The following UNC5B variants were observed in gnomAD, a reference collection of about 807,000 sequenced individuals.
UNC5B encodes netrin receptor UNC5B.
In UNC5B, 56 loss-of-function variants were observed where a neutral mutation model predicts 103.7. That is an observed-to-expected ratio of 0.54 (90% confidence interval 0.44 to 0.67). UNC5B has a LOEUF of 0.67. UNC5B is among the 30% of genes least tolerant of loss of function. UNC5B has a pLI of 0.00. For synonymous variants in UNC5B, 577 were observed against 542.0 expected, an observed-to-expected ratio of 1.06 and a Z score of -0.90; for missense variants, 1,194 against 1,284.5, an observed-to-expected ratio of 0.93 and a Z score of 1.08.
intron 2 of UNC5B, among the ~76,000 whole-genome samples, chr10:71,280,508 A>C (rs1844896957): frequency 6.6e-6 from 1 of 152,244 alleles, no homozygotes. Context: ...AAATTGTTTT[A>C]GGTTAAAAAG....
rs1162341863 is a variant in UNC5B at position 71,212,966 on chromosome 10, C to G, written c.-20C>G. The G allele has an allele frequency of 1.5e-6, 2 of 1,332,314 alleles. No homozygotes were observed. Among genetic ancestry groups the G allele is most frequent in the Non-Finnish European group, 1.9e-6 (2 of 1,039,096 alleles). 82.5% of individuals were successfully genotyped at this position (1,332,314 alleles called of 1,614,324 possible). On this transcript the variant is annotated 5_prime_UTR_variant, in exon 1 of 17. Coordinates refer to ENST00000335350, the MANE Select transcript of UNC5B (RefSeq NM_170744.5). The stretch of plus-strand genomic sequence containing the variant: ...GGAGACAGCCCTGGGGGAGAGGCGC[C>G]CGAACCAGGCCGCGGGAGCATGGGG...
intron 1 of UNC5B, among the ~76,000 whole-genome samples, chr10:71,263,493 T>A (rs376558484): frequency 6.6e-6 from 1 of 152,122 alleles, no homozygotes; most frequent in Non-Finnish European, 1.5e-5. Context: ...TTCTCTGAGT[T>A]ATTAAGAGCC....
chr10:71,288,176 T>C (rs756432391), intron 6 of UNC5B, among the ~76,000 whole-genome samples: 2 of 152,152 alleles, frequency 1.3e-5, no homozygotes, highest in Non-Finnish European at 2.9e-5. Context: ...ATTCCTCTCA[T>C]CCTCTGTGCA....
chr10:71,253,193 G>T (rs1050850138), intron 1 of UNC5B, among the ~76,000 whole-genome samples: 1 of 152,276 alleles, frequency 6.6e-6, no homozygotes, highest in East Asian at 1.9e-4. Flanking sequence ...AACCTCGGGG[G>T]AACCCCAAAG....
Position 71,291,556 on chromosome 10 carries a change from G to C in UNC5B, c.1419G>C (p.Leu473=), listed in dbSNP as rs752642450. The C allele has an allele frequency of 1.2e-6, 2 of 1,614,148 alleles. No individual in the cohort carries two copies. Among genetic ancestry groups the C allele is most frequent in the African/African-American group, 1.3e-5 (1 of 75,048 alleles). Residue 473 remains leucine (L), a synonymous_variant, in exon 10 of 17, where the codon CTG becomes CTC. Transcript: ENST00000335350. The stretch of plus-strand genomic sequence containing the variant: ...AAATCCCCATGACCAACTCTCCTCT[G>C]CTGGACCCCTTACCCAGCCTTAAGG... ...TDKIPMTNSP[L]LDPLPSLKVK...
At chr10:71,297,406 C>A (rs1845469749) in intron 15 of UNC5B, among the ~76,000 whole-genome samples, 1 of 152,234 alleles carries the variant, frequency 6.6e-6, no homozygotes, top group Admixed American at 6.5e-5. Context: ...AGGACCAGGC[C>A]TGTGGTTCTC....
chr10:71,295,068 C>A (rs1489840246), intron 13 of UNC5B, among the ~76,000 whole-genome samples: 1 of 152,220 alleles, frequency 6.6e-6, no homozygotes, highest in Non-Finnish European at 1.5e-5. Flanking sequence ...GCTCCTTCAT[C>A]TCCCAGGCTC....
At position 71,301,443 on chromosome 10, in the gene UNC5B, G is replaced by T. The variant is rs1033539903; in HGVS notation, c.*2166G>T. 6.6e-6 allele frequency: 1 copy of T among 152,270 alleles called. No individual in the cohort carries two copies. The highest frequency in any genetic ancestry group is 2.4e-5 in the African/African-American group (1 of 41,476). 9.4% of individuals were successfully genotyped at this position (152,270 alleles called of 1,614,324 possible). On this transcript the variant is annotated 3_prime_UTR_variant, in exon 17 of 17. Transcript: ENST00000335350. ...TAGGCTCTGGCTGGGCCCGGAGGCT[G>T]AGACTAAGGCTTTCGACCCTGGTGC...
rs200761325 is a variant in UNC5B, at chr10:71,290,974, G to A, written c.1159G>A (p.Val387Ile). The change falls in exon 9 of 17, where the codon GTC becomes ATC. Residue 387 changes from valine to isoleucine, a missense_variant. Transcript: ENST00000335350. The part of the protein sequence containing the change: ...YAGLVVAIFV[V>I]VAILMAVGVV... ...GGGGCTCGTGGTGGCCATCTTCGTG[G>A]TCGTGGCAATCCTCATGGCGGTGGG... is the stretch of plus-strand genomic sequence containing the variant. The A allele has an allele frequency of 1.2e-6, 2 of 1,614,132 alleles. No homozygotes were observed. The highest frequency in any genetic ancestry group is 4.5e-5 in the East Asian group (2 of 44,878).
intron 1 of UNC5B, among the ~76,000 whole-genome samples, chr10:71,274,187 C>A (rs984949455): frequency 6.6e-6 from 1 of 151,670 alleles, no homozygotes; most frequent in African/African-American, 2.4e-5. Context: ...ATAGTGAAAC[C>A]CTGTCTCTAC....
chr10:71,293,621 G>A, intron 12 of UNC5B, 48 bp downstream of exon 12: 2 of 1,610,554 alleles, frequency 1.2e-6, no homozygotes, highest in Non-Finnish European at 1.7e-6. Flanking sequence ...ACCTGCCCAG[G>A]GAGGCAAAAG....
intron 1 of UNC5B, among the ~76,000 whole-genome samples, chr10:71,275,890 A>C (rs1024253894): frequency 3.3e-5 from 5 of 151,752 alleles, no homozygotes; most frequent in Non-Finnish European, 7.4e-5. Context: ...GTTTTCCTTT[A>C]TTTGGCACCA....
chr10:71,230,609 T>C (rs58122703), intron 1 of UNC5B, among the ~76,000 whole-genome samples: 5,200 of 152,348 alleles, frequency 0.034, 286 homozygotes, highest in African/African-American at 0.12. Context: ...CCCACATCCC[T>C]GGAGCCTGGC....
In UNC5B at chr10:71,296,813, A is replaced by G. The variant is rs574622589; in HGVS notation, c.2490+71A>G. 54 of 1,461,442 alleles carry G rather than the reference A, an allele frequency of 3.7e-5. No individual in the cohort carries two copies. The African/African-American group carries it at 6.6e-4, about 18-fold the overall frequency. 90.5% of individuals were successfully genotyped at this position (1,461,442 alleles called of 1,614,324 possible). A position where few individuals can be genotyped will look rare whatever the true frequency, so the allele number is the denominator to read the frequency against. On this transcript the variant is annotated intron_variant, in intron 15 of 16. Transcript: ENST00000335350. ...CGGAGGTGAGGGAAGGGTGGGGCAG[A>G]TATTCCAGCTGCACACCACGCTGGC...
intron 13 of UNC5B, 78 bp downstream of exon 13, chr10:71,294,011 T>C (rs1845343929): frequency 2.2e-6 from 3 of 1,335,268 alleles, no homozygotes. Context: ...CACCCCAGGC[T>C]CATGGGTCCT....
chr10:71,280,294 C>T (rs964446020), intron 2 of UNC5B, among the ~76,000 whole-genome samples: 2 of 152,274 alleles, frequency 1.3e-5, no homozygotes, highest in South Asian at 4.2e-4. Context: ...AAGTTCCCGT[C>T]AGGTGGGGGT....
chr10:71,213,159 C>A lies in UNC5B; in HGVS notation c.79+95C>A. On this transcript the variant is annotated intron_variant, in intron 1 of 16. Transcript: ENST00000335350. This position sits in a 1 kb window ranked among gnomAD's most constrained non-coding sequence, Gnocchi z 4.1. The stretch of plus-strand genomic sequence containing the variant: ...GGTGGTCTTTCGTCGCATCGATGCG[C>A]GCAGGAAAAGCGGCAAGGGCGCCCA... 3 of 1,067,132 alleles carry A rather than the reference C, an allele frequency of 2.8e-6. No individual in the cohort carries two copies. Among genetic ancestry groups the A allele is most frequent in the Non-Finnish European group, 3.6e-6 (3 of 834,382 alleles). The allele number at this position is 1,067,132 out of a possible 1,614,324, so 66.1% of individuals were successfully genotyped here. A position where few individuals can be genotyped will look rare whatever the true frequency, so the allele number is the denominator to read the frequency against.
intron 1 of UNC5B, among the ~76,000 whole-genome samples, chr10:71,241,786 C>A (rs950399361): frequency 6.6e-6 from 1 of 152,018 alleles, no homozygotes; most frequent in Non-Finnish European, 1.5e-5. Context: ...CGCCCAAGGA[C>A]GCAGGATCAT....
At chr10:71,251,819 A>G (rs979078976) in intron 1 of UNC5B, among the ~76,000 whole-genome samples, 13 of 152,032 alleles carry the variant, frequency 8.6e-5, no homozygotes, top group African/African-American at 3.1e-4. Flanking sequence ...GAGGATATTT[A>G]TTTTTCTTTA....
Sources: gnomAD v4.1 joint callset for allele counts (sites outside exome capture counted in the v4.1 genomes callset) on GRCh38, gnomAD v4.1.1 for gene constraint, Gnocchi (gnomAD v3.1) non-coding constraint, MANE v1.5 for transcripts, NCBI Gene and HGNC (gene_info 2026-07-23, HGNC 2026-07-21) for gene names.